Variants in MECOM observed in about 807,000 individuals in gnomAD.
MECOM encodes histone-lysine N-methyltransferase MECOM.
Under a neutral mutation model 116.3 loss-of-function variants are expected in MECOM, and 13 were observed. The observed-to-expected ratio is 0.11, with a 90% CI of 0.07 to 0.18. The LOEUF (loss-of-function observed/expected upper bound fraction) is 0.18, where lower values mean the gene tolerates loss of function less well. Among genes scored for constraint, MECOM ranks in the 10% least tolerant of loss-of-function variants. The pLI is 1.00. For missense variants in MECOM, 1,299 were observed against 1,509.0 expected (o/e 0.86, Z 2.31); for synonymous variants, 528 against 535.2 (o/e 0.99, Z 0.19).
At chr3:169,439,907 C>T (rs191059756) in intron 1 of MECOM, among the ~76,000 whole-genome samples, 29 of 152,054 alleles carry the variant, frequency 1.9e-4, no homozygotes, top group Non-Finnish European at 1.2e-4. Flanking sequence ...CAAAATATTG[C>T]ATGTAGAAAA....
In MECOM at chr3:169,381,262, G is replaced by A. The variant is rs142755875; in HGVS notation, c.300C>T (p.Ile100=). Residue 100 remains isoleucine, a synonymous_variant, in exon 2 of 17, where the codon ATC becomes ATT. Coordinates refer to ENST00000651503, the MANE Select transcript of MECOM (RefSeq NM_004991.4). ...AAGGCCCAAACTTTTCACCTACTTC[G>A]ATCTTCCTTTTGGTCCATATTCCTA... The part of the protein sequence containing the change: ...AGLGIWTKRK[I]EVGEKFGPYV... 147 of 1,613,698 alleles carry A rather than the reference G, an allele frequency of 9.1e-5. No homozygotes were observed. The Middle Eastern group carries it at 1.2e-3, about 13-fold the overall frequency.
At chr3:169,190,501 A>G (rs1041658691) in intron 2 of MECOM, among the ~76,000 whole-genome samples, 4 of 152,082 alleles carry the variant, frequency 2.6e-5, no homozygotes, top group African/African-American at 9.7e-5. Flanking sequence ...TCAGTTTGTG[A>G]CCTCATACTG....
At chr3:169,296,852 A>T (rs1715702931) in intron 2 of MECOM, among the ~76,000 whole-genome samples, 1 of 152,250 alleles carries the variant, frequency 6.6e-6, no homozygotes, top group African/African-American at 2.4e-5. Context: ...TTCTTTAAGC[A>T]TGCAAAGAGC....
intron 10 of MECOM, among the ~76,000 whole-genome samples, chr3:169,103,165 A>G (rs908436790): frequency 2.6e-5 from 4 of 151,240 alleles, no homozygotes; most frequent in Non-Finnish European, 5.9e-5. Context: ...GAGTCTCACT[A>G]TGTTGCTCAG....
chr3:169,199,618 T>C (rs921315161), intron 2 of MECOM, among the ~76,000 whole-genome samples: 4 of 152,000 alleles, frequency 2.6e-5, no homozygotes, highest in Non-Finnish European at 4.4e-5. Context: ...TAATGCAATT[T>C]AGGCATACCT....
intron 1 of MECOM, among the ~76,000 whole-genome samples, chr3:169,644,594 A>G (rs368178577): frequency 7.2e-4 from 110 of 152,280 alleles, no homozygotes; most frequent in African/African-American, 2.5e-3. Context: ...TTACACTGGC[A>G]GTATAATTTT....
chr3:169,418,044 A>C (rs901518763), intron 1 of MECOM, among the ~76,000 whole-genome samples: 1 of 151,756 alleles, frequency 6.6e-6, no homozygotes, highest in African/African-American at 2.4e-5. Flanking sequence ...CCAGCATGGC[A>C]CATGTATACA....
chr3:169,516,836 C>T (rs764444003), intron 1 of MECOM, among the ~76,000 whole-genome samples: 6 of 152,150 alleles, frequency 3.9e-5, no homozygotes, highest in Non-Finnish European at 7.3e-5. Flanking sequence ...CAGAGGAAAA[C>T]GAATGCTAGT....
chr3:169,388,618 C>T (rs528982968), intron 1 of MECOM, among the ~76,000 whole-genome samples: 11 of 152,282 alleles, frequency 7.2e-5, no homozygotes, highest in Admixed American at 7.2e-4. Context: ...AAAACAGAGA[C>T]ATTGAATAGA....
chr3:169,573,370 T>G (rs1317129670), intron 1 of MECOM, among the ~76,000 whole-genome samples: 6 of 152,122 alleles, frequency 3.9e-5, no homozygotes, highest in Non-Finnish European at 1.5e-5. Flanking sequence ...TAAAAACCAT[T>G]TTGAGGGCTG....
chr3:169,322,111 G>A (rs139839666), intron 2 of MECOM, among the ~76,000 whole-genome samples: 195 of 152,240 alleles, frequency 1.3e-3, no homozygotes, highest in Non-Finnish European at 1.0e-3. Flanking sequence ...ACTATAAGAA[G>A]TTACTTGAAT....
chr3:169,294,222 T>A (rs895454075), intron 2 of MECOM, among the ~76,000 whole-genome samples: 5 of 152,180 alleles, frequency 3.3e-5, no homozygotes, highest in Admixed American at 6.5e-5. Context: ...TGTAGAATAG[T>A]TATATCACTA....
chr3:169,582,172 C>T (rs1305427792), intron 1 of MECOM, among the ~76,000 whole-genome samples: 1 of 152,122 alleles, frequency 6.6e-6, no homozygotes, highest in East Asian at 1.9e-4. Context: ...TTTTCTTAAG[C>T]GTTTCGTCAG....
intron 1 of MECOM, among the ~76,000 whole-genome samples, chr3:169,542,100 C>T (rs965605438): frequency 2.0e-5 from 3 of 152,134 alleles, no homozygotes; most frequent in African/African-American, 7.2e-5. Context: ...AAGAAATCCC[C>T]ACCAGAGACC....
In MECOM at chr3:169,568,366, A is replaced by G. The variant is rs560071023; in HGVS notation, c.37+94970T>C. Among the ~76,000 whole-genome samples the G allele has an allele frequency of 8.5e-5, 13 of 152,068 alleles. 1 individual carries two copies. In the South Asian group the frequency reaches 2.7e-3, roughly 32 times the overall value. The stretch of plus-strand genomic sequence containing the variant: ...CAGTGGCACCTGGAACCTCCGAGAC[A>G]GAACTGTTCACTCCCCTGGAAAAGG... On this transcript the variant is annotated intron_variant, in intron 1 of 16. Transcript: ENST00000651503.
intron 9 of MECOM, among the ~76,000 whole-genome samples, chr3:169,110,662 A>T (rs1727058524): frequency 1.3e-5 from 2 of 152,178 alleles, no homozygotes; most frequent in Non-Finnish European, 2.9e-5. Flanking sequence ...AAACATTGGC[A>T]GTTGATGCAG....
At chr3:169,609,748 C>G (rs905941946) in intron 1 of MECOM, among the ~76,000 whole-genome samples, 1 of 152,154 alleles carries the variant, frequency 6.6e-6, no homozygotes, top group African/African-American at 2.4e-5. Flanking sequence ...AAAAAGATCA[C>G]TGTGTGTTCA....
chr3:169,259,679 A>C (rs1319601709), intron 2 of MECOM, among the ~76,000 whole-genome samples: 1 of 152,190 alleles, frequency 6.6e-6, no homozygotes, highest in African/African-American at 2.4e-5. Context: ...AGTGAGCCAT[A>C]ATTAGGCCAC....
chr3:169,131,167 G>A (rs1734568658), intron 4 of MECOM, among the ~76,000 whole-genome samples: 1 of 152,166 alleles, frequency 6.6e-6, no homozygotes, highest in Non-Finnish European at 1.5e-5. Context: ...TTGACAAAAG[G>A]TTTAACTAGG....
Sources: gnomAD v4.1 joint callset for allele counts (sites outside exome capture counted in the v4.1 genomes callset) on GRCh38, gnomAD v4.1.1 for gene constraint, MANE v1.5 for transcripts, NCBI Gene and HGNC (gene_info 2026-07-23, HGNC 2026-07-21) for gene names.